The following POU2F1 variants were observed in gnomAD, a reference collection of about 807,000 sequenced individuals.
POU2F1 encodes POU domain, class 2, transcription factor 1.
POU2F1 carries 16 observed loss-of-function variants against 84.9 expected under a neutral mutation model. The observed-to-expected ratio is 0.19, with a 90% confidence interval of 0.13 to 0.29. The LOEUF is 0.29. Ranked by LOEUF, POU2F1 falls within the 10% of genes least tolerant of loss-of-function variation. The probability of loss-of-function intolerance (pLI) is 1.00; values close to 1 mark genes in which losing one functional copy is unlikely to be tolerated. For synonymous variants in POU2F1, 368 were observed against 368.3 expected (o/e 1.00, Z 0.01); for missense variants, 738 against 942.6 (o/e 0.78, Z 2.84).
Position 167,397,998 on chromosome 1 carries a change from C to T in POU2F1, c.1134C>T (p.Asn378=). The T allele has an allele frequency of 1.2e-6, 2 of 1,611,734 alleles. No homozygotes were observed. Among genetic ancestry groups the T allele is most frequent in the Non-Finnish European group, 8.5e-7 (1 of 1,178,954 alleles). The change falls in exon 11 of 16, where the codon AAC becomes AAT. Residue 378 remains asparagine, a synonymous_variant. Transcript: ENST00000367866. ...GTATTTTCTTCATTCTTACAGAGAA[C>T]CTCTCATCTGATTCGTCCCTCTCCA... is the stretch of plus-strand genomic sequence containing the variant. ...LLEKWLNDAE[N]LSSDSSLSSP... is the part of the protein sequence containing the mutation.
At chr1:167,249,735 A>G (rs1650585840) in intron 1 of POU2F1, among the ~76,000 whole-genome samples, 1 of 152,170 alleles carries the variant, frequency 6.6e-6, no homozygotes, top group African/African-American at 2.4e-5. Flanking sequence ...GGGAGAGTTT[A>G]AAGTTTTAGA....
intron 1 of POU2F1, among the ~76,000 whole-genome samples, chr1:167,308,532 C>G (rs1046007316): frequency 6.6e-6 from 1 of 152,078 alleles, no homozygotes; most frequent in Admixed American, 6.5e-5. Context: ...GGTCCTCTCT[C>G]CCTCCCTTCC....
chr1:167,281,122 A>G (rs950572421), intron 1 of POU2F1, among the ~76,000 whole-genome samples: 22 of 152,216 alleles, frequency 1.4e-4, no homozygotes, highest in African/African-American at 4.8e-4. Flanking sequence ...GAATAGATAC[A>G]GTTCTCCAAA....
intron 3 of POU2F1, 139 bp downstream of exon 3, chr1:167,365,706 A>T (rs7539957): frequency 1.7e-6 from 1 of 599,372 alleles, no homozygotes; most frequent in Non-Finnish European, 2.8e-6. Flanking sequence ...GTGTCATTCT[A>T]TTTGGTTAGT....
At position 167,426,167 on chromosome 1, in the gene POU2F1, A is replaced by G. The variant is rs542957918; in HGVS notation, c.*10357A>G. On this transcript the variant is annotated 3_prime_UTR_variant, in exon 16 of 16. Transcript: ENST00000367866. ...ACTCGTGTATTAAGTACGATTACCC[A>G]GCACTTGCATTAGTCTAACCTCAGT... The G allele has an allele frequency of 6.6e-6, 1 of 152,282 alleles. No homozygotes were observed. The highest frequency in any genetic ancestry group is 2.1e-4 in the South Asian group (1 of 4,830). 9.4% of individuals were successfully genotyped at this position (152,282 alleles called of 1,614,324 possible).
intron 1 of POU2F1, among the ~76,000 whole-genome samples, chr1:167,225,344 A>G (rs1391402319): frequency 6.6e-6 from 1 of 152,234 alleles, no homozygotes; most frequent in Non-Finnish European, 1.5e-5. Context: ...GTAGACAAGG[A>G]AAAAACAAAC....
intron 8 of POU2F1, among the ~76,000 whole-genome samples, chr1:167,384,827 A>C (rs1213989125): frequency 1.3e-5 from 2 of 152,260 alleles, no homozygotes; most frequent in South Asian, 2.1e-4. Flanking sequence ...TTTATTCCAC[A>C]TTATACTCAA....
chr1:167,370,057 T>A, intron 3 of POU2F1, 104 bp from the exon 4 acceptor site: 3 of 950,608 alleles, frequency 3.2e-6, no homozygotes, highest in Non-Finnish European at 4.5e-6. Flanking sequence ...CTTTGTCTTC[T>A]CAGTTCTAGC....
chr1:167,406,236 C>T lies in POU2F1; in HGVS notation c.1555+4680C>T, dbSNP rs568360710. 2.4e-4 allele frequency among the ~76,000 whole-genome samples: 36 copies of T among 152,192 alleles called. 1 individual carries two copies. In the South Asian group the frequency reaches 6.8e-3, roughly 29 times the overall value. On this transcript the variant is annotated intron_variant, in intron 13 of 15. Transcript: ENST00000367866. ...TATGGTTAGTACAATAACTGAACAT[C>T]AATTAATGTAACACATTATAATAGT... is the stretch of plus-strand genomic sequence containing the variant.
Position 167,304,691 on chromosome 1 carries a change from T to C in POU2F1, c.62-27779T>C, listed in dbSNP as rs541116780. On this transcript the variant is annotated intron_variant, in intron 1 of 15. Transcript: ENST00000367866. ...ATGTAATTCAAAGATATGAATCTTA[T>C]CCCCCTTTAAAAATGTTTATGAAAT... is the stretch of plus-strand genomic sequence containing the variant. Among the ~76,000 whole-genome samples the C allele has an allele frequency of 6.6e-5, 10 of 152,312 alleles. No individual in the cohort carries two copies. The South Asian group carries it at 2.1e-3, about 32-fold the overall frequency.
intron 1 of POU2F1, among the ~76,000 whole-genome samples, chr1:167,304,892 A>C (rs1250521074): frequency 6.6e-6 from 1 of 152,190 alleles, no homozygotes; most frequent in African/African-American, 2.4e-5. Context: ...GACACCTTTA[A>C]TGAAAAAAAA....
intron 1 of POU2F1, among the ~76,000 whole-genome samples, chr1:167,266,178 A>G (rs940336141): frequency 6.6e-6 from 1 of 152,228 alleles, no homozygotes; most frequent in African/African-American, 2.4e-5. Context: ...CAGGACCTGC[A>G]GGTTTGTTAC....
At chr1:167,345,144 G>A (rs567481661) in intron 2 of POU2F1, among the ~76,000 whole-genome samples, 3 of 152,274 alleles carry the variant, frequency 2.0e-5, no homozygotes, top group African/African-American at 7.2e-5. Context: ...AAGCCTGCAT[G>A]TTCTATGTAT....
chr1:167,276,953 T>C (rs1652770074), intron 1 of POU2F1, among the ~76,000 whole-genome samples: 1 of 152,004 alleles, frequency 6.6e-6, no homozygotes, highest in South Asian at 2.1e-4. Flanking sequence ...AATGAGTGAG[T>C]AGAATGTGCT....
At chr1:167,271,116 T>C (rs1652341592) in intron 1 of POU2F1, among the ~76,000 whole-genome samples, 1 of 152,240 alleles carries the variant, frequency 6.6e-6, no homozygotes, top group Non-Finnish European at 1.5e-5. Flanking sequence ...TAGAACCTTG[T>C]GGCTTTAGAT....
At chr1:167,308,446 C>G (rs908972154) in intron 1 of POU2F1, among the ~76,000 whole-genome samples, 5 of 152,010 alleles carry the variant, frequency 3.3e-5, no homozygotes, top group African/African-American at 4.8e-5. Flanking sequence ...TTGTGCTTCT[C>G]TTTGTAATTA....
At chr1:167,233,384 T>G (rs1479162022) in intron 1 of POU2F1, among the ~76,000 whole-genome samples, 1 of 151,994 alleles carries the variant, frequency 6.6e-6, no homozygotes, top group Non-Finnish European at 1.5e-5. Flanking sequence ...GCAGTCCTCT[T>G]GGCTTGGCCT....
chr1:167,404,121 G>C (rs1649393194), intron 13 of POU2F1, among the ~76,000 whole-genome samples: 1 of 151,590 alleles, frequency 6.6e-6, no homozygotes, highest in Admixed American at 6.6e-5. Flanking sequence ...GCCCTCATTG[G>C]CCTTCAGCAA....
At chr1:167,306,489 A>T (rs1301233688) in intron 1 of POU2F1, among the ~76,000 whole-genome samples, 1 of 152,178 alleles carries the variant, frequency 6.6e-6, no homozygotes, top group East Asian at 1.9e-4. Flanking sequence ...ATAATTCCTG[A>T]TTACTTTCAA....
Sources: allele counts gnomAD v4.1 joint callset (sites outside exome capture counted in the v4.1 genomes callset), GRCh38; gene constraint gnomAD v4.1.1; transcripts MANE v1.5; gene names NCBI Gene and HGNC (gene_info 2026-07-23, HGNC 2026-07-21).